The following PTPRK variants were observed in gnomAD, a reference collection of about 807,000 sequenced individuals.
The protein encoded by PTPRK is protein tyrosine phosphatase receptor type K, also known as receptor-type tyrosine-protein phosphatase kappa.
Under a neutral mutation model 178.0 loss-of-function variants are expected in PTPRK, and 75 were observed. The observed-to-expected ratio is 0.42, with a 90% CI of 0.35 to 0.51. The LOEUF (loss-of-function observed/expected upper bound fraction) is 0.51. PTPRK is among the 20% of genes least tolerant of loss of function. The pLI is 0.02. For synonymous variants in PTPRK, 637 were observed against 620.6 expected (o/e 1.03, Z -0.39); for missense variants, 1,441 against 1,797.8 (o/e 0.80, Z 3.59).
At chr6:128,063,255 T>C (rs969469922) in intron 13 of PTPRK, among the ~76,000 whole-genome samples, 3 of 152,184 alleles carry the variant, frequency 2.0e-5, no homozygotes, top group Non-Finnish European at 4.4e-5. Context: ...AATTATTCTA[T>C]GCCACATGGT....
At position 128,349,279 on chromosome 6, in the gene PTPRK, C is replaced by T. The variant is rs1480580057; in HGVS notation, c.224-26969G>A. Among the ~76,000 whole-genome samples the T allele has an allele frequency of 5.9e-5, 9 of 152,142 alleles. No homozygotes were observed. The South Asian group carries it at 1.7e-3, about 28-fold the overall frequency. ...AATCAAGTGTAAGCAGGAAATAAAACACTGAAATATATTTGCCCATAAATA... is the reference window on the plus strand; with the variant it reads ...AATCAAGTGTAAGCAGGAAATAAAATACTGAAATATATTTGCCCATAAATA... On this transcript the variant is annotated intron_variant, in intron 2 of 29. Transcript: ENST00000368226.
At chr6:128,171,622 T>C (rs558676536) in intron 7 of PTPRK, among the ~76,000 whole-genome samples, 1 of 152,104 alleles carries the variant, frequency 6.6e-6, no homozygotes, top group Non-Finnish European at 1.5e-5. Context: ...TTATGTACTG[T>C]TTGTAATAAG....
intron 3 of PTPRK, among the ~76,000 whole-genome samples, chr6:128,281,414 T>C (rs945395779): frequency 4.9e-4 from 74 of 152,310 alleles, no homozygotes; most frequent in African/African-American, 1.7e-3. Context: ...TCCCCTCAAA[T>C]ATTCCTCCAA....
intron 5 of PTPRK, among the ~76,000 whole-genome samples, chr6:128,221,229 A>C (rs1259832464): frequency 6.6e-6 from 1 of 152,072 alleles, no homozygotes; most frequent in African/African-American, 2.4e-5. Context: ...TGCTTTAATA[A>C]TTTTCTAAAT....
At chr6:128,109,493 G>T (rs1364285328) in intron 7 of PTPRK, among the ~76,000 whole-genome samples, 1 of 152,086 alleles carries the variant, frequency 6.6e-6, no homozygotes, top group Non-Finnish European at 1.5e-5. Flanking sequence ...GACTAAAAAT[G>T]GTAATGAACA....
chr6:128,340,730 T>A, intron 2 of PTPRK: 1 of 442,936 alleles, frequency 2.3e-6, no homozygotes, highest in East Asian at 6.4e-5. Flanking sequence ...AAAATGCAAA[T>A]AGATTTAAGA....
chr6:128,069,733 A>C (rs976209573), intron 11 of PTPRK, among the ~76,000 whole-genome samples: 2 of 152,166 alleles, frequency 1.3e-5, no homozygotes, highest in African/African-American at 2.4e-5. Flanking sequence ...AGAAAAAAAA[A>C]CACAAAATCT....
chr6:127,994,986 A>G (rs1438055394), intron 18 of PTPRK, among the ~76,000 whole-genome samples: 2 of 152,012 alleles, frequency 1.3e-5, no homozygotes, highest in African/African-American at 2.4e-5. Flanking sequence ...AACAGAAATC[A>G]TCAACAAATA....
chr6:128,318,598 C>A (rs1828360547), intron 3 of PTPRK, among the ~76,000 whole-genome samples: 1 of 152,096 alleles, frequency 6.6e-6, no homozygotes, highest in Non-Finnish European at 1.5e-5. Context: ...TGATGGGCAC[C>A]CAGTTAATGG....
intron 3 of PTPRK, among the ~76,000 whole-genome samples, chr6:128,310,830 A>G (rs1408338663): frequency 6.6e-6 from 1 of 152,188 alleles, no homozygotes; most frequent in African/African-American, 2.4e-5. Context: ...CTTCTATGGC[A>G]CAATGAATCT....
At position 128,134,763 on chromosome 6, in the gene PTPRK, C is replaced by G. The variant is rs1167841113; in HGVS notation, c.1163-44771G>C. Among the ~76,000 whole-genome samples, 8 of 152,194 alleles carry G rather than the reference C, an allele frequency of 5.3e-5. No individual in the cohort carries two copies. The East Asian group carries it at 1.5e-3, about 29-fold the overall frequency. ...GAGGTCGAGGCTGCAGTGATTGTAC[C>G]ACTGCACTCCAGCCTGGGTGACAGA... On this transcript the variant is annotated intron_variant, in intron 7 of 29. Coordinates refer to ENST00000368226, the MANE Select transcript of PTPRK (RefSeq NM_002844.4).
intron 2 of PTPRK, among the ~76,000 whole-genome samples, chr6:128,393,153 C>T (rs1346230760): frequency 6.7e-6 from 1 of 148,830 alleles, no homozygotes; most frequent in Non-Finnish European, 1.5e-5. Flanking sequence ...GTGCAGTGGC[C>T]TGATCTCGGC....
At chr6:128,401,186 G>C (rs566182223) in intron 1 of PTPRK, among the ~76,000 whole-genome samples, 8 of 152,106 alleles carry the variant, frequency 5.3e-5, no homozygotes, top group Non-Finnish European at 1.0e-4. Flanking sequence ...CCACTTAAGG[G>C]GTTGGCAACC....
chr6:128,322,411 T>G, intron 2 of PTPRK, 101 bp from the exon 3 acceptor site: 1 of 1,190,254 alleles, frequency 8.4e-7, no homozygotes. Context: ...TAAATTTAAG[T>G]TAAAAAGACT....
chr6:128,182,074 C>T (rs1191745098), intron 7 of PTPRK, among the ~76,000 whole-genome samples: 1 of 151,872 alleles, frequency 6.6e-6, no homozygotes, highest in African/African-American at 2.4e-5. Flanking sequence ...CATTAATTAG[C>T]TATAATAAAC....
chr6:128,238,794 C>T (rs112613751), intron 5 of PTPRK, among the ~76,000 whole-genome samples: 7,958 of 152,020 alleles, frequency 0.052, 301 homozygotes, highest in Middle Eastern at 0.14. Context: ...AAAAAAGGGA[C>T]CCTCATCTCC....
At chr6:128,411,649 G>C (rs936959187) in intron 1 of PTPRK, among the ~76,000 whole-genome samples, 7 of 152,134 alleles carry the variant, frequency 4.6e-5, no homozygotes, top group Non-Finnish European at 1.0e-4. Context: ...GATCTCAAAG[G>C]GGACTAATGA....
At chr6:127,990,292 C>T (rs149415335) in intron 21 of PTPRK, among the ~76,000 whole-genome samples, 237 of 152,198 alleles carry the variant, frequency 1.6e-3, no homozygotes, top group Non-Finnish European at 2.7e-3. Context: ...TGCCTCTAGG[C>T]TTCTGAAATG....
chr6:128,435,106 A>AGGC (rs1845403557), intron 1 of PTPRK, among the ~76,000 whole-genome samples: 1 of 64,618 alleles, frequency 1.5e-5, no homozygotes, highest in Non-Finnish European at 2.9e-5. Flanking sequence ...GGAAGGAAGG[A>AGGC]AGGCAGGAAG....
Sources: allele counts gnomAD v4.1 joint callset (sites outside exome capture counted in the v4.1 genomes callset), GRCh38; gene constraint gnomAD v4.1.1; transcripts MANE v1.5; gene names NCBI Gene and HGNC (gene_info 2026-07-23, HGNC 2026-07-21).